PCDHGA1: variants seen among roughly 807,000 people sequenced by gnomAD.
PCDHGA1 encodes protocadherin gamma subfamily A, 1, also known as protocadherin gamma-A1.
In PCDHGA1, 32 loss-of-function variants were observed where a neutral mutation model predicts 58.0. The ratio of observed to expected loss-of-function variants is 0.55; its 90% confidence interval spans 0.42 to 0.74. PCDHGA1 has a LOEUF of 0.74. Ranked by LOEUF, PCDHGA1 falls within the 30% of genes least tolerant of loss-of-function variation. The pLI is 0.00. For synonymous variants in PCDHGA1, 498 were observed against 501.1 expected (o/e 0.99, Z 0.08); for missense variants, 1,205 against 1,182.3 (o/e 1.02, Z -0.28).
intron 1 of PCDHGA1, chr5:141,375,277 T>G: frequency 1.9e-6 from 3 of 1,613,826 alleles, no homozygotes; most frequent in Non-Finnish European, 2.5e-6. Context: ...AAAAATCAGT[T>G]GGCAATTATT....
Position 141,485,844 on chromosome 5 carries a change from G to T in PCDHGA1, c.2422-8963G>T. On this transcript the variant is annotated intron_variant, in intron 1 of 3. Transcript: ENST00000517417. This position sits in a 1 kb window ranked among gnomAD's most constrained non-coding sequence, Gnocchi z 5.7. ...GATGGAGGGAACCCGCCGAGATCTG[G>T]CACCGCAGAGCTCCGGGTATCCGTG... The T allele has an allele frequency of 1.9e-6, 3 of 1,613,890 alleles. 1 individual carries two copies. The South Asian group carries it at 3.3e-5, about 18-fold the overall frequency.
At chr5:141,392,815 T>C (rs1361544072) in intron 1 of PCDHGA1, 8 of 1,586,560 alleles carry the variant, frequency 5.0e-6, no homozygotes, top group East Asian at 2.2e-5. Flanking sequence ...AAAACAACAA[T>C]GGCCGCTCCA....
Position 141,489,384 on chromosome 5 carries a change from T to C in PCDHGA1, c.2422-5423T>C, listed in dbSNP as rs2099686499. The stretch of plus-strand genomic sequence containing the variant: ...AGCCGGGGACGCTGGTGGGGAATGT[T>C]GCTCAGGATCTGGGCTTAAAGATGA... On this transcript the variant is annotated intron_variant, in intron 1 of 3. Transcript: ENST00000517417. The surrounding 1 kb of genome is among the most constrained non-coding windows in gnomAD (Gnocchi z 4.5). 1 of 1,613,986 alleles carries C rather than the reference T, an allele frequency of 6.2e-7. No individual in the cohort carries two copies. The highest frequency in any genetic ancestry group is 8.5e-7 in the Non-Finnish European group (1 of 1,179,842).
chr5:141,350,805 G>A (rs572789275), intron 1 of PCDHGA1: 2 of 1,614,018 alleles, frequency 1.2e-6, no homozygotes, highest in African/African-American at 1.3e-5. Flanking sequence ...ACGAAGGAAA[G>A]TCCTGATGGA....
At chr5:141,363,790 T>C (rs1763065871) in intron 1 of PCDHGA1, among the ~76,000 whole-genome samples, 1 of 152,218 alleles carries the variant, frequency 6.6e-6, no homozygotes, top group Non-Finnish European at 1.5e-5. Flanking sequence ...TTTATCCTAA[T>C]AAGGAGATGA....
chr5:141,435,904 C>G (rs967350870), intron 1 of PCDHGA1, among the ~76,000 whole-genome samples: 2 of 152,068 alleles, frequency 1.3e-5, no homozygotes, highest in Admixed American at 6.5e-5. Context: ...TGAAAGACAT[C>G]CAAGGGCTCT....
intron 1 of PCDHGA1, among the ~76,000 whole-genome samples, chr5:141,455,489 A>T (rs925133619): frequency 3.9e-5 from 6 of 152,152 alleles, no homozygotes; most frequent in African/African-American, 4.8e-5. Context: ...GGTGGAGGTG[A>T]TGTCTGATTT....
In PCDHGA1 at chr5:141,485,340, C is replaced by T. The variant is rs139641513; in HGVS notation, c.2422-9467C>T. ...GTCGCTCAAGATTTCCTGCTGGATA[C>T]GGACAGTCTGTCAGCTCGCAGGCTG... is the stretch of plus-strand genomic sequence containing the variant. On this transcript the variant is annotated intron_variant, in intron 1 of 3. Coordinates refer to ENST00000517417, the MANE Select transcript of PCDHGA1 (RefSeq NM_018912.3). This position sits in a 1 kb window ranked among gnomAD's most constrained non-coding sequence, Gnocchi z 5.7. 1.2e-6 allele frequency: 2 copies of T among 1,613,958 alleles called. No individual in the cohort carries two copies. Among genetic ancestry groups the T allele is most frequent in the East Asian group, 2.2e-5 (1 of 44,884 alleles).
intron 1 of PCDHGA1, 65 bp downstream of exon 1, chr5:141,333,170 C>A (rs769057603): frequency 3.7e-5 from 60 of 1,606,476 alleles, no homozygotes; most frequent in Non-Finnish European, 4.7e-5. Flanking sequence ...AACTTACTAG[C>A]GTTCGCTCTT....
At chr5:141,354,926 CT>C (rs35040373) in intron 1 of PCDHGA1, 7 of 415,344 alleles carry the variant, frequency 1.7e-5, no homozygotes, top group South Asian at 1.1e-4. Flanking sequence ...AAAAAATAAA[CT>C]TTTTTTAACC....
At chr5:141,418,908 C>A in intron 1 of PCDHGA1, 1 of 1,613,932 alleles carries the variant, frequency 6.2e-7, no homozygotes, top group South Asian at 1.1e-5. Flanking sequence ...ATAATCATCA[C>A]GTCACTCTCT....
intron 1 of PCDHGA1, among the ~76,000 whole-genome samples, chr5:141,435,951 G>C (rs371199258): frequency 3.9e-5 from 6 of 152,100 alleles, no homozygotes; most frequent in African/African-American, 1.4e-4. Flanking sequence ...ACCAAAAAAG[G>C]GGGCAAAATA....
At chr5:141,365,174 C>T (rs748996894) in intron 1 of PCDHGA1, 28 of 1,613,760 alleles carry the variant, frequency 1.7e-5, no homozygotes, top group Non-Finnish European at 2.1e-5. Flanking sequence ...CTACTCTTTT[C>T]GCAATGAAGA....
chr5:141,352,758 G>A (rs979968894), intron 1 of PCDHGA1: 18 of 1,339,206 alleles, frequency 1.3e-5, no homozygotes, highest in Non-Finnish European at 1.8e-5. Flanking sequence ...ACCAGGCTGA[G>A]GCAGGTGGAT....
At chr5:141,353,412 A>T (rs1414392171) in intron 1 of PCDHGA1, among the ~76,000 whole-genome samples, 1 of 152,176 alleles carries the variant, frequency 6.6e-6, no homozygotes, top group Non-Finnish European at 1.5e-5. Context: ...ATCTTCATCA[A>T]TTACATTCTA....
At chr5:141,446,296 G>A (rs2098497546) in intron 1 of PCDHGA1, among the ~76,000 whole-genome samples, 1 of 152,160 alleles carries the variant, frequency 6.6e-6, no homozygotes, top group Non-Finnish European at 1.5e-5. Context: ...GGGGAGCAGG[G>A]ATTAAGAGTG....
At chr5:141,372,930 T>C (rs1381737731) in intron 1 of PCDHGA1, 2 of 884,806 alleles carry the variant, frequency 2.3e-6, no homozygotes, top group East Asian at 2.7e-5. Flanking sequence ...TTTTCTGGTG[T>C]AGAGTAGGGT....
intron 1 of PCDHGA1, chr5:141,352,492 G>T (rs1188371318): frequency 6.2e-7 from 1 of 1,614,004 alleles, no homozygotes; most frequent in Non-Finnish European, 8.5e-7. Flanking sequence ...AGGGGACTTT[G>T]CCCTATTCCT....
intron 1 of PCDHGA1, chr5:141,359,946 T>C: frequency 1.9e-6 from 1 of 524,822 alleles, no homozygotes; most frequent in East Asian, 3.2e-5. Context: ...TCGCTGTTGG[T>C]CAAAAGAACG....
Sources: gnomAD v4.1 joint callset for allele counts (sites outside exome capture counted in the v4.1 genomes callset) on GRCh38, gnomAD v4.1.1 for gene constraint, Gnocchi (gnomAD v3.1) non-coding constraint, MANE v1.5 for transcripts, NCBI Gene and HGNC (gene_info 2026-07-23, HGNC 2026-07-21) for gene names.